MYH9: variants seen among roughly 807,000 people sequenced by gnomAD.
The protein encoded by MYH9 is myosin heavy chain 9, also known as myosin-9.
Under a neutral mutation model 241.9 loss-of-function variants are expected in MYH9, and 29 were observed. The observed-to-expected ratio is 0.12, with a 90% CI of 0.09 to 0.16. The LOEUF (loss-of-function observed/expected upper bound fraction) is 0.16, where lower values mean the gene tolerates loss of function less well. Ranked by LOEUF, MYH9 falls within the 10% of genes least tolerant of loss-of-function variation. The probability of loss-of-function intolerance (pLI) is 1.00; values close to 1 mark genes in which losing one functional copy is unlikely to be tolerated. For synonymous variants in MYH9, 1,047 were observed against 1,062.6 expected (o/e 0.99, Z 0.29); for missense variants, 1,803 against 2,595.5 (o/e 0.69, Z 6.63).
intron 12 of MYH9, among the ~76,000 whole-genome samples, chr22:36,316,162 T>C (rs888567408): frequency 2.0e-5 from 3 of 150,984 alleles, no homozygotes; most frequent in African/African-American, 7.3e-5. Flanking sequence ...CTCAGCCTCC[T>C]GAGTAGCTGG....
chr22:36,292,292 C>A (rs561790765), intron 30 of MYH9, 58 bp from the exon 31 acceptor site: 1 of 1,608,804 alleles, frequency 6.2e-7, no homozygotes, highest in African/African-American at 1.3e-5. Flanking sequence ...AGGTGGCACA[C>A]CCGTCCCTGG....
At chr22:36,383,521 C>G (rs1246032874) in intron 1 of MYH9, among the ~76,000 whole-genome samples, 1 of 152,188 alleles carries the variant, frequency 6.6e-6, no homozygotes, top group Non-Finnish European at 1.5e-5. Flanking sequence ...TCCACAACCA[C>G]AATACACGCA....
Position 36,329,455 on chromosome 22 carries a change from A to T in MYH9, c.491-1967T>A, listed in dbSNP as rs1220292666. 6.6e-6 allele frequency among the ~76,000 whole-genome samples: 1 copy of T among 151,752 alleles called. No homozygotes were observed. The highest frequency in any genetic ancestry group is 2.4e-5 in the African/African-American group (1 of 41,256). ...GGCAACCGATAAGGGTTTGGAACAAACATTTTTGTCATCCCAGCCCCCTGC... is the reference window on the plus strand; with the variant it reads ...GGCAACCGATAAGGGTTTGGAACAATCATTTTTGTCATCCCAGCCCCCTGC... On this transcript the variant is annotated intron_variant, in intron 3 of 40. Coordinates refer to ENST00000216181, the MANE Select transcript of MYH9 (RefSeq NM_002473.6). This position sits in a 1 kb window ranked among gnomAD's most constrained non-coding sequence, Gnocchi z 4.1.
chr22:36,356,722 AT>A (rs2017862969), intron 1 of MYH9, among the ~76,000 whole-genome samples: 1 of 152,242 alleles, frequency 6.6e-6, no homozygotes, highest in Non-Finnish European at 1.5e-5. Flanking sequence ...TGACAAAGGC[AT>A]AAAGATCCCA....
rs1603482719 is a variant in MYH9, at chr22:36,285,589, G to A, written c.5274+69C>T. 1 of 1,603,762 alleles carries A rather than the reference G, an allele frequency of 6.2e-7. No individual in the cohort carries two copies. Among genetic ancestry groups the A allele is most frequent in the Non-Finnish European group, 8.5e-7 (1 of 1,177,896 alleles). On this transcript the variant is annotated intron_variant, in intron 37 of 40. Coordinates refer to ENST00000216181, the MANE Select transcript of MYH9 (RefSeq NM_002473.6). The surrounding 1 kb of genome is among the most constrained non-coding windows in gnomAD (Gnocchi z 7.0). Reference sequence around the variant, plus strand: ...CACTTGGCCTGTGCTTCTGCCGGCTGGGTCCAAGGCCAGCTCTGCCGTGGT... The same window carrying A: ...CACTTGGCCTGTGCTTCTGCCGGCTAGGTCCAAGGCCAGCTCTGCCGTGGT...
chr22:36,297,327 A>G (rs2016804586), intron 24 of MYH9: 1 of 379,620 alleles, frequency 2.6e-6, no homozygotes, highest in Non-Finnish European at 4.9e-6. Flanking sequence ...TCTAAAAAAC[A>G]TGTTCAATTG....
rs754221527 is a variant in MYH9, at chr22:36,294,215, C to T, written c.3714G>A (p.Gln1238=). 1 of 1,614,182 alleles carries T rather than the reference C, an allele frequency of 6.2e-7. No homozygotes were observed. The highest frequency in any genetic ancestry group is 8.5e-7 in the Non-Finnish European group (1 of 1,180,044). Residue 1238 remains glutamine (Q), a synonymous_variant, in exon 28 of 41, where the codon CAG becomes CAA. Transcript: ENST00000216181. Reference sequence around the variant, plus strand: ...GCTTGTGCTCCGAGTCCCCTTTGCCCTGCAGCAGCACCTTCACCTCGTTGG... The same window carrying T: ...GCTTGTGCTCCGAGTCCCCTTTGCCTTGCAGCAGCACCTTCACCTCGTTGG... The part of the protein sequence containing the change: ...ELANEVKVLL[Q]GKGDSEHKRK...
chr22:36,354,453 AT>A (rs966489681), intron 1 of MYH9, among the ~76,000 whole-genome samples: 17 of 143,664 alleles, frequency 1.2e-4, no homozygotes, highest in Admixed American at 2.8e-4. Context: ...TACCATCTTT[AT>A]TTTTTTTTGA....
chr22:36,296,573 C>G (rs2146339472), intron 25 of MYH9, among the ~76,000 whole-genome samples: 1 of 140,744 alleles, frequency 7.1e-6, no homozygotes, highest in Admixed American at 7.3e-5. Flanking sequence ...TTAAGTGTGC[C>G]TATAGCAAGA....
intron 30 of MYH9, among the ~76,000 whole-genome samples, chr22:36,292,548 G>A (rs1396861838): frequency 6.6e-6 from 1 of 152,222 alleles, no homozygotes; most frequent in Non-Finnish European, 1.5e-5. Context: ...AGCAGGGCCA[G>A]TGCCCTGTAG....
At chr22:36,323,708 G>A (rs1371455088) in intron 5 of MYH9, among the ~76,000 whole-genome samples, 2 of 152,102 alleles carry the variant, frequency 1.3e-5, no homozygotes, top group Admixed American at 6.5e-5. Context: ...AGACCACAAG[G>A]GACACAGCAG....
rs1387187738 is a variant in MYH9 at position 36,329,794 on chromosome 22, G to A, written c.491-2306C>T. On this transcript the variant is annotated intron_variant, in intron 3 of 40. Coordinates refer to ENST00000216181, the MANE Select transcript of MYH9 (RefSeq NM_002473.6). The surrounding 1 kb of genome is among the most constrained non-coding windows in gnomAD (Gnocchi z 4.1). The stretch of plus-strand genomic sequence containing the variant: ...AGGCGCACGCACGCACAAGGGCATG[G>A]ACACACACATAGACACGCAAGCATC... 1.3e-5 allele frequency among the ~76,000 whole-genome samples: 2 copies of A among 152,160 alleles called. No individual in the cohort carries two copies. Among genetic ancestry groups the A allele is most frequent in the East Asian group, 3.9e-4 (2 of 5,190 alleles).
intron 1 of MYH9, among the ~76,000 whole-genome samples, chr22:36,351,268 G>A (rs953724645): frequency 6.6e-6 from 1 of 152,182 alleles, no homozygotes; most frequent in Non-Finnish European, 1.5e-5. Context: ...TCCCCGGCCG[G>A]TGGCTCTGTT....
chr22:36,294,270 T>C lies in MYH9; in HGVS notation c.3659A>G (p.Gln1220Arg). The change falls in exon 28 of 41, where the codon CAG becomes CGG. Residue 1220 changes from glutamine to arginine, a missense_variant. Physicochemically the swap from Gln to Arg is conservative, Grantham distance 43. Transcript: ENST00000216181. ...CTCCCCCCGCTCGTTCTCCAGAGTC[T>C]GCTTTGCCTTCTCGAGGTTTGCTTT... ...RVKANLEKAK[Q>R]TLENERGELA... is the part of the protein sequence containing the mutation. The C allele has an allele frequency of 6.2e-6, 10 of 1,614,082 alleles. No individual in the cohort carries two copies. Among genetic ancestry groups the C allele is most frequent in the Non-Finnish European group, 7.6e-6 (9 of 1,180,036 alleles).
chr22:36,297,067 G>T lies in MYH9; in HGVS notation c.3101-53C>A, dbSNP rs758275409. Reference sequence around the variant, plus strand: ...CCTCAGTGCCATGGGTTCTGTCTCCGTGTCAATTACTTATACAAAATACTG... The same window carrying T: ...CCTCAGTGCCATGGGTTCTGTCTCCTTGTCAATTACTTATACAAAATACTG... On this transcript the variant is annotated intron_variant, in intron 24 of 40. Transcript: ENST00000216181. 4.2e-5 allele frequency: 66 copies of T among 1,586,870 alleles called. No homozygotes were observed. In the South Asian group the frequency reaches 7.2e-4, roughly 17 times the overall value.
chr22:36,322,079 G>A (rs1239772256), intron 6 of MYH9, among the ~76,000 whole-genome samples: 1 of 152,250 alleles, frequency 6.6e-6, no homozygotes, highest in African/African-American at 2.4e-5. Flanking sequence ...CCGCAGAGGG[G>A]GAAAGAGACC....
intron 3 of MYH9, among the ~76,000 whole-genome samples, chr22:36,338,259 C>A (rs943347268): frequency 2.6e-5 from 4 of 151,948 alleles, no homozygotes; most frequent in Non-Finnish European, 4.4e-5. Context: ...CTCGGCCTCC[C>A]AAAGTGCTGG....
chr22:36,283,967 C>T, intron 40 of MYH9, 126 bp downstream of exon 40: 44 of 1,135,706 alleles, frequency 3.9e-5, no homozygotes, highest in Admixed American at 2.0e-4. Flanking sequence ...CCAGAAGGGG[C>T]AGGGATTGCT....
intron 2 of MYH9, among the ~76,000 whole-genome samples, chr22:36,342,577 T>G (rs994159554): frequency 2.0e-5 from 3 of 151,864 alleles, no homozygotes; most frequent in African/African-American, 7.3e-5. Context: ...GACTACTAAT[T>G]CTTTTTCTAA....
Sources: allele counts gnomAD v4.1 joint callset (sites outside exome capture counted in the v4.1 genomes callset), GRCh38; gene constraint gnomAD v4.1.1; non-coding constraint Gnocchi (gnomAD v3.1); transcripts MANE v1.5; gene names NCBI Gene and HGNC (gene_info 2026-07-23, HGNC 2026-07-21).